Variants in IL6ST observed in about 807,000 individuals in gnomAD.
IL6ST encodes the protein interleukin 6 cytokine family signal transducer, also known as interleukin-6 receptor subunit beta.
Under a neutral mutation model 91.3 loss-of-function variants are expected in IL6ST, and 24 were observed. The ratio of observed to expected loss-of-function variants is 0.26; its 90% CI spans 0.19 to 0.37. The LOEUF (loss-of-function observed/expected upper bound fraction) is 0.37. IL6ST is among the 10% of genes least tolerant of loss of function. IL6ST has a pLI of 1.00. For missense variants in IL6ST, 914 were observed against 1,078.5 expected, an observed-to-expected ratio of 0.85 and a Z score of 2.14; for synonymous variants, 351 against 373.6, an observed-to-expected ratio of 0.94 and a Z score of 0.70.
Position 55,955,842 on chromosome 5 carries a change from C to T in IL6ST, c.1267+183G>A, listed in dbSNP as rs992678625. On this transcript the variant is annotated intron_variant, in intron 10 of 16. Coordinates refer to ENST00000381298, the MANE Select transcript of IL6ST (RefSeq NM_002184.4). ...GACCAGCCTGAGCAACCTGGCGAGA[C>T]CCAGTCTCTGAAAAAAAGAAAATCA... is the stretch of plus-strand genomic sequence containing the variant. 32 of 371,848 alleles carry T rather than the reference C, an allele frequency of 8.6e-5. No homozygotes were observed. In the East Asian group the frequency reaches 1.3e-3, roughly 15 times the overall value. 23.0% of individuals were successfully genotyped at this position (371,848 alleles called of 1,614,324 possible).
chr5:55,951,676 G>T, intron 13 of IL6ST, 72 bp from the exon 14 acceptor site: 1 of 1,413,026 alleles, frequency 7.1e-7, no homozygotes, highest in Non-Finnish European at 9.7e-7. Flanking sequence ...ATTTGGCATT[G>T]TGAAAGTGTT....
In IL6ST at chr5:55,935,726, GT is replaced by G. The variant is rs142486872; in HGVS notation, c.*5355del. On this transcript the variant is annotated 3_prime_UTR_variant, in exon 17 of 17. Transcript: ENST00000381298. ...CCTATACGCAGTTGTAATATATTTCGTATTTTGAAAGTGTAGAAGTTTGTAT... is the reference window on the plus strand; with the variant it reads ...CCTATACGCAGTTGTAATATATTTCGATTTTGAAAGTGTAGAAGTTTGTAT... 6,151 of 216,970 alleles carry G rather than the reference GT, an allele frequency of 0.028. 187 individuals are homozygous for G. Among genetic ancestry groups the G allele is most frequent in the African/African-American group, 0.086 (3,834 of 44,530 alleles). The allele number at this position is 216,970 out of a possible 1,614,324, so 13.4% of individuals were successfully genotyped here.
At chr5:55,970,050 T>C (rs1228244298) in intron 3 of IL6ST, among the ~76,000 whole-genome samples, 195 bp from the exon 4 acceptor site, 1 of 152,172 alleles carries the variant, frequency 6.6e-6, no homozygotes, top group African/African-American at 2.4e-5. Context: ...AATATACAAA[T>C]TATAAAGATA....
intron 13 of IL6ST, 132 bp from the exon 14 acceptor site, chr5:55,951,736 G>C: frequency 2.2e-6 from 2 of 911,128 alleles, no homozygotes; most frequent in South Asian, 3.4e-5. Context: ...ATAATGTTCT[G>C]ACATAATTTT....
Position 55,982,796 on chromosome 5 carries a change from T to C in IL6ST, c.-88A>G, listed in dbSNP as rs1040153921. 2 of 398,356 alleles carry C rather than the reference T, an allele frequency of 5.0e-6. No homozygotes were observed. Among genetic ancestry groups the C allele is most frequent in the Non-Finnish European group, 8.9e-6 (2 of 225,934 alleles). 24.7% of individuals were successfully genotyped at this position (398,356 alleles called of 1,614,324 possible). ...TCTTCTACTTCTAAATGTCATGCTT[T>C]TTCCATTGGGTTTCACTGTAAAGAG... On this transcript the variant is annotated 5_prime_UTR_variant, in exon 2 of 17. Transcript: ENST00000381298.
At position 55,947,571 on chromosome 5, in the gene IL6ST, G is replaced by T. The variant is rs781471318; in HGVS notation, c.1859C>A (p.Ala620Asp). Residue 620 changes from alanine to aspartate, a missense_variant, in exon 15 of 17, where the codon GCC (alanine) becomes GAC (aspartate). Physicochemically the swap from Ala to Asp is moderately radical, Grantham distance 126. Coordinates refer to ENST00000381298, the MANE Select transcript of IL6ST (RefSeq NM_002184.4). ...TGCTAAGCAAACAGGCACGACTATG[G>T]CTTCAATTTCTCCTTGAGCTTAAAA... The part of the protein sequence containing the change: ...TPKFAQGEIE[A>D]IVVPVCLAFL... 7.5e-6 allele frequency: 9 copies of T among 1,195,692 alleles called. No individual in the cohort carries two copies. The highest frequency in any genetic ancestry group is 1.2e-6 in the Non-Finnish European group (1 of 848,162). 74.1% of individuals were successfully genotyped at this position (1,195,692 alleles called of 1,614,324 possible).
chr5:55,990,093 G>A (rs1053642836), intron 1 of IL6ST, among the ~76,000 whole-genome samples: 2 of 152,174 alleles, frequency 1.3e-5, no homozygotes, highest in Non-Finnish European at 2.9e-5. Flanking sequence ...CATTCCAAAT[G>A]TAACAGGGCA....
rs545030818 is a variant in IL6ST at position 55,937,160 on chromosome 5, C to T, written c.*3922G>A. On this transcript the variant is annotated 3_prime_UTR_variant, in exon 17 of 17. Coordinates refer to ENST00000381298, the MANE Select transcript of IL6ST (RefSeq NM_002184.4). ...ACATCATTCAGACAAAGCCTGTGTT[C>T]AAGAAATAAAAAAAACATCTATCAC... is the stretch of plus-strand genomic sequence containing the variant. 4.7e-6 allele frequency: 1 copy of T among 210,700 alleles called. No individual in the cohort carries two copies. The highest frequency in any genetic ancestry group is 9.6e-6 in the Non-Finnish European group (1 of 104,314). 13.1% of individuals were successfully genotyped at this position (210,700 alleles called of 1,614,324 possible). A position where few individuals can be genotyped will look rare whatever the true frequency, so the allele number is the denominator to read the frequency against.
chr5:55,972,832 C>T (rs1753040816), intron 3 of IL6ST, among the ~76,000 whole-genome samples: 1 of 151,706 alleles, frequency 6.6e-6, no homozygotes. Context: ...TGGTGAAATC[C>T]CGTCTCTACT....
chr5:55,955,350 G>A (rs941827924), intron 10 of IL6ST, among the ~76,000 whole-genome samples: 18 of 152,144 alleles, frequency 1.2e-4, no homozygotes, highest in African/African-American at 4.3e-4. Context: ...CCAGCTACTT[G>A]GGAGGCTGGT....
At chr5:55,955,654 G>A (rs918026891) in intron 10 of IL6ST, among the ~76,000 whole-genome samples, 4 of 150,418 alleles carry the variant, frequency 2.7e-5, no homozygotes, top group African/African-American at 1.0e-4. Context: ...TTACTGTGAA[G>A]TTTAAGTGAG....
In IL6ST at chr5:55,947,505, T is replaced by C. The variant is rs1242319292; in HGVS notation, c.1925A>G (p.Asn642Ser). The change falls in exon 15 of 17, where the codon AAT becomes AGT. Residue 642 changes from asparagine (N) to serine (S), a missense_variant. By Grantham distance (46) the Asn-to-Ser change is conservative (BLOSUM62 1). Transcript: ENST00000381298. ...TTLLGVLFCF[N>S]KRDLIKKHIW... Reference sequence around the variant, plus strand: ...TAAAGTTACTTACAGGTCTCGCTTATTAAAGCAGAACAGCACTCCCAGAAG... The same window carrying C: ...TAAAGTTACTTACAGGTCTCGCTTACTAAAGCAGAACAGCACTCCCAGAAG... 5 of 1,573,958 alleles carry C rather than the reference T, an allele frequency of 3.2e-6. No homozygotes were observed. The highest frequency in any genetic ancestry group is 4.3e-6 in the Non-Finnish European group (5 of 1,158,710).
chr5:55,937,715 T>C lies in IL6ST; in HGVS notation c.*3367A>G, dbSNP rs1274041202. ...CAATATAATCTAACAATACCTGTAA[T>C]AGAAAGCTATCCCAGTAAATTTTTT... On this transcript the variant is annotated 3_prime_UTR_variant, in exon 17 of 17. Transcript: ENST00000381298. 4.1e-5 allele frequency: 8 copies of C among 193,872 alleles called. No individual in the cohort carries two copies. Among genetic ancestry groups the C allele is most frequent in the Non-Finnish European group, 6.4e-5 (6 of 93,522 alleles). The allele number at this position is 193,872 out of a possible 1,614,324, so 12.0% of individuals were successfully genotyped here. A position where few individuals can be genotyped will look rare whatever the true frequency, so the allele number is the denominator to read the frequency against.
In IL6ST at chr5:55,964,143, T is replaced by C; in HGVS notation, c.658+3A>G. 1 of 1,533,552 alleles carries C rather than the reference T, an allele frequency of 6.5e-7. No individual in the cohort carries two copies. Among genetic ancestry groups the C allele is most frequent in the Non-Finnish European group, 8.8e-7 (1 of 1,130,680 alleles). The allele number at this position is 1,533,552 out of a possible 1,614,324, so 95.0% of individuals were successfully genotyped here. A position where few individuals can be genotyped will look rare whatever the true frequency, so the allele number is the denominator to read the frequency against. On this transcript the variant is annotated splice_donor_region_variant and intron_variant, in intron 6 of 16. Coordinates refer to ENST00000381298, the MANE Select transcript of IL6ST (RefSeq NM_002184.4). ...AAACTCTCAAATTCAGGTTTATAAC[T>C]ACCTTTATATACAGGATCAAAATTG...
chr5:55,963,056 A>T (rs554814155), intron 7 of IL6ST, among the ~76,000 whole-genome samples: 106 of 152,054 alleles, frequency 7.0e-4, no homozygotes, highest in African/African-American at 2.4e-3. Context: ...GCAGTGAGCC[A>T]GCGGCCTGGG....
intron 1 of IL6ST, among the ~76,000 whole-genome samples, chr5:55,992,171 T>C (rs1754370824): frequency 6.6e-6 from 1 of 152,224 alleles, no homozygotes; most frequent in South Asian, 2.1e-4. Context: ...CATCATTCCC[T>C]AACAGGACTC....
chr5:55,950,168 G>A (rs1375078126), intron 14 of IL6ST: 1 of 492,568 alleles, frequency 2.0e-6, no homozygotes, highest in Non-Finnish European at 4.1e-6. Flanking sequence ...TAGAACGAGG[G>A]AGGGAAAATG....
intron 1 of IL6ST, among the ~76,000 whole-genome samples, chr5:55,993,679 G>A (rs1271105252): frequency 6.6e-6 from 1 of 151,994 alleles, no homozygotes. Context: ...AAAAACAAAC[G>A]TTCAAGATTA....
At chr5:55,966,955 A>G (rs1752667110) in intron 5 of IL6ST, among the ~76,000 whole-genome samples, 2 of 97,254 alleles carry the variant, frequency 2.1e-5, no homozygotes, top group African/African-American at 1.5e-4. Flanking sequence ...TTTTTGGGGA[A>G]AAAAAAAAAA....
Sources: gnomAD v4.1 joint callset for allele counts (sites outside exome capture counted in the v4.1 genomes callset) on GRCh38, gnomAD v4.1.1 for gene constraint, MANE v1.5 for transcripts, NCBI Gene and HGNC (gene_info 2026-07-23, HGNC 2026-07-21) for gene names.